LRCH1: variants seen among roughly 807,000 people sequenced by gnomAD.
LRCH1 encodes leucine-rich repeat and calponin homology domain-containing protein 1.
LRCH1 carries 23 observed loss-of-function variants against 94.9 expected under a neutral mutation model. The ratio of observed to expected loss-of-function variants is 0.24; its 90% CI spans 0.17 to 0.34. LRCH1 has a LOEUF of 0.34. LRCH1 is among the 10% of genes least tolerant of loss of function. The probability of loss-of-function intolerance (pLI) is 1.00; values close to 1 mark genes in which losing one functional copy is unlikely to be tolerated. For missense variants in LRCH1, 790 were observed against 945.9 expected, an observed-to-expected ratio of 0.84 and a Z score of 2.16; for synonymous variants, 364 against 354.9, an observed-to-expected ratio of 1.03 and a Z score of -0.29.
intron 1 of LRCH1, among the ~76,000 whole-genome samples, chr13:46,635,231 C>A (rs1321362314): frequency 6.6e-6 from 1 of 152,212 alleles, no homozygotes; most frequent in Non-Finnish European, 1.5e-5. Context: ...CAGAGACTTT[C>A]CCGCAGTCTG....
chr13:46,668,889 A>G (rs898539128), intron 2 of LRCH1, 141 bp from the exon 3 acceptor site: 7 of 737,550 alleles, frequency 9.5e-6, no homozygotes, highest in African/African-American at 8.7e-5. Context: ...GAGTTGTCAC[A>G]CAGAAAATAT....
chr13:46,601,263 C>T (rs140247321), intron 1 of LRCH1, among the ~76,000 whole-genome samples: 155 of 152,312 alleles, frequency 1.0e-3, no homozygotes, highest in African/African-American at 3.5e-3. Context: ...CTTCACTGTC[C>T]CTCTTCTCCT....
At chr13:46,717,597 A>C (rs1227165704) in intron 16 of LRCH1, 1 of 152,098 alleles carries the variant, frequency 6.6e-6, no homozygotes, top group African/African-American at 2.4e-5. Flanking sequence ...CTTTGTTCTT[A>C]ACTTTGACCT....
chr13:46,657,500 CT>C (rs67588975), intron 2 of LRCH1, among the ~76,000 whole-genome samples: 1 of 11,392 alleles, frequency 8.8e-5, no homozygotes, highest in African/African-American at 3.2e-4. Context: ...CTTTTCTTTT[CT>C]TTTTTTTTTT....
At chr13:46,702,373 G>A (rs1871525018) in intron 11 of LRCH1, among the ~76,000 whole-genome samples, 1 of 152,108 alleles carries the variant, frequency 6.6e-6, no homozygotes. Context: ...ATAGTGCCAT[G>A]CGCCTGTAAT....
intron 1 of LRCH1, among the ~76,000 whole-genome samples, chr13:46,632,478 T>C (rs1017529182): frequency 1.3e-5 from 2 of 152,208 alleles, no homozygotes; most frequent in Non-Finnish European, 2.9e-5. Flanking sequence ...TTATGTCCAC[T>C]TTAGCATGAG....
chr13:46,589,543 T>C (rs2050474825), intron 1 of LRCH1, among the ~76,000 whole-genome samples: 1 of 151,926 alleles, frequency 6.6e-6, no homozygotes, highest in Non-Finnish European at 1.5e-5. Context: ...ATTCATATTG[T>C]AGTCCTAAAC....
intron 1 of LRCH1, among the ~76,000 whole-genome samples, chr13:46,628,866 G>T (rs1049998685): frequency 5.3e-5 from 8 of 152,118 alleles, no homozygotes; most frequent in African/African-American, 1.7e-4. Flanking sequence ...TCATCAATCT[G>T]CTATGACCAG....
intron 1 of LRCH1, among the ~76,000 whole-genome samples, chr13:46,612,705 A>T (rs1717179203): frequency 6.6e-6 from 1 of 152,200 alleles, no homozygotes; most frequent in African/African-American, 2.4e-5. Flanking sequence ...AGTTTTCAAA[A>T]CAAAATTATG....
At chr13:46,701,451 A>T (rs185562521) in intron 11 of LRCH1, among the ~76,000 whole-genome samples, 1 of 152,304 alleles carries the variant, frequency 6.6e-6, no homozygotes. Context: ...ACCCCTCATG[A>T]AGTTCATATG....
intron 1 of LRCH1, among the ~76,000 whole-genome samples, chr13:46,589,441 G>A (rs2050473774): frequency 6.6e-6 from 1 of 152,014 alleles, no homozygotes; most frequent in Non-Finnish European, 1.5e-5. Context: ...CTGGTATCCA[G>A]TCCATATTTA....
At chr13:46,585,531 C>T (rs1191035633) in intron 1 of LRCH1, among the ~76,000 whole-genome samples, 14 of 135,560 alleles carry the variant, frequency 1.0e-4, no homozygotes, top group Non-Finnish European at 3.0e-5. Flanking sequence ...CCAGCCTGGG[C>T]GACAGAGCGA....
chr13:46,687,602 T>TA (rs1217207611), intron 5 of LRCH1, among the ~76,000 whole-genome samples: 4 of 152,336 alleles, frequency 2.6e-5, no homozygotes, highest in African/African-American at 7.2e-5. Context: ...ACATTTTTGT[T>TA]AGAGTTTTAT....
chr13:46,574,855 G>A (rs951384809), intron 1 of LRCH1, among the ~76,000 whole-genome samples: 5 of 143,522 alleles, frequency 3.5e-5, no homozygotes, highest in Non-Finnish European at 7.6e-5. Flanking sequence ...TTGGTGTATG[G>A]GCTATTTATT....
At position 46,692,615 on chromosome 13, in the gene LRCH1, C is replaced by T. The variant is rs141234801; in HGVS notation, c.1094C>T (p.Ser365Leu). The T allele has an allele frequency of 2.5e-5, 41 of 1,613,790 alleles. No individual in the cohort carries two copies. The highest frequency in any genetic ancestry group is 1.9e-4 in the South Asian group (17 of 91,062). The change falls in exon 8 of 20, where the codon TCG becomes TTG. Residue 365 changes from serine (S) to leucine (L), a missense_variant. By Grantham distance (145) the Ser-to-Leu change is moderately radical. This residue lies in a region of LRCH1 where 460 missense variants were observed against 508.9 expected (regional missense o/e 0.90). Coordinates refer to ENST00000389797, the MANE Select transcript of LRCH1 (RefSeq NM_001164211.2). ...GAAGAACAGATCATCAAGGAGGACT[C>T]GTGCCATCGCCTTAGCCCCGTTAAA... ...MEEEQIIKED[S>L]CHRLSPVKGE...
chr13:46,623,432 T>C (rs140189129), intron 1 of LRCH1, among the ~76,000 whole-genome samples: 1 of 152,280 alleles, frequency 6.6e-6, no homozygotes, highest in East Asian at 1.9e-4. Flanking sequence ...GAGTCTTAAA[T>C]AAAATGTCTA....
At chr13:46,731,322 C>T (rs554963110) in intron 18 of LRCH1, among the ~76,000 whole-genome samples, 58 of 152,270 alleles carry the variant, frequency 3.8e-4, no homozygotes, top group Middle Eastern at 3.4e-3. Flanking sequence ...ACTGCACCCT[C>T]TGCCCCCAGG....
intron 1 of LRCH1, among the ~76,000 whole-genome samples, chr13:46,639,448 T>C (rs1555276511): frequency 6.6e-6 from 1 of 152,214 alleles, no homozygotes; most frequent in Non-Finnish European, 1.5e-5. Flanking sequence ...ACATAGACTG[T>C]CTGTGGTCTG....
chr13:46,662,029 G>A (rs1432193066), intron 2 of LRCH1, among the ~76,000 whole-genome samples: 3 of 152,290 alleles, frequency 2.0e-5, no homozygotes, highest in Admixed American at 1.3e-4. Flanking sequence ...TGACCAACAT[G>A]GTAAAACCCC....
Sources: gnomAD v4.1 joint callset for allele counts (sites outside exome capture counted in the v4.1 genomes callset) on GRCh38, gnomAD v4.1.1 for gene constraint, gnomAD v4.1.1 regional missense constraint, MANE v1.5 for transcripts, NCBI Gene and HGNC (gene_info 2026-07-23, HGNC 2026-07-21) for gene names.